The following IL1RAP variants were observed in gnomAD, a reference collection of about 807,000 sequenced individuals.
IL1RAP encodes the protein interleukin 1 receptor accessory protein.
A neutral mutation model predicts 60.7 loss-of-function variants in IL1RAP; 35 were observed. The observed-to-expected ratio is 0.58, with a 90% CI of 0.44 to 0.76. The LOEUF (loss-of-function observed/expected upper bound fraction) is 0.76. Ranked by LOEUF, IL1RAP falls within the 30% of genes least tolerant of loss-of-function variation. The pLI is 0.00. For synonymous variants in IL1RAP, 268 were observed against 250.9 expected, an observed-to-expected ratio of 1.07 and a Z score of -0.64; for missense variants, 572 against 693.9, an observed-to-expected ratio of 0.82 and a Z score of 1.97.
Position 190,649,035 on chromosome 3 carries a change from C to G in IL1RAP, c.*330C>G, listed in dbSNP as rs760982968. Reference sequence around the variant, plus strand: ...CTTTTTAAAATCTTAACATATGGAGCAGCCTTTCCTATGAATTTAAATATG... The same window carrying G: ...CTTTTTAAAATCTTAACATATGGAGGAGCCTTTCCTATGAATTTAAATATG... On this transcript the variant is annotated 3_prime_UTR_variant, in exon 12 of 12. Transcript: ENST00000447382. 2.0e-6 allele frequency: 2 copies of G among 1,017,024 alleles called. No homozygotes were observed. The highest frequency in any genetic ancestry group is 2.3e-6 in the Non-Finnish European group (2 of 851,130). 63.0% of individuals were successfully genotyped at this position (1,017,024 alleles called of 1,614,324 possible). A position where few individuals can be genotyped will look rare whatever the true frequency, so the allele number is the denominator to read the frequency against.
intron 5 of IL1RAP, among the ~76,000 whole-genome samples, chr3:190,617,220 A>G (rs1409104702): frequency 6.6e-6 from 1 of 152,196 alleles, no homozygotes; most frequent in Non-Finnish European, 1.5e-5. Context: ...TAGACCATGA[A>G]TAACTATAAG....
chr3:190,615,103 T>C (rs1731154736), intron 5 of IL1RAP, among the ~76,000 whole-genome samples: 1 of 152,150 alleles, frequency 6.6e-6, no homozygotes, highest in African/African-American at 2.4e-5. Context: ...TGCCATGAAT[T>C]CACAATTCTC....
At chr3:190,539,856 G>A (rs1338364600) in intron 1 of IL1RAP, among the ~76,000 whole-genome samples, 1 of 151,890 alleles carries the variant, frequency 6.6e-6, no homozygotes, top group East Asian at 1.9e-4. Context: ...TCTTGAATAT[G>A]TAATGCCCGT....
At chr3:190,608,548 A>G (rs1730549477) in intron 4 of IL1RAP, among the ~76,000 whole-genome samples, 1 of 152,162 alleles carries the variant, frequency 6.6e-6, no homozygotes, top group African/African-American at 2.4e-5. Flanking sequence ...CTGACGGTGC[A>G]TAGGTTTGTT....
intron 1 of IL1RAP, among the ~76,000 whole-genome samples, chr3:190,551,386 A>G (rs1466069851): frequency 1.3e-5 from 2 of 152,260 alleles, no homozygotes; most frequent in Non-Finnish European, 2.9e-5. Context: ...GTAAGTTAAA[A>G]ATACTCACAG....
intron 9 of IL1RAP, among the ~76,000 whole-genome samples, chr3:190,641,707 G>C (rs371881037): frequency 2.0e-5 from 3 of 152,132 alleles, no homozygotes; most frequent in Admixed American, 2.0e-4. Flanking sequence ...TTTCAGGTAC[G>C]TGCAGCCAGC....
chr3:190,535,806 C>A lies in IL1RAP; in HGVS notation c.-88-20324C>A, dbSNP rs190680119. ...GTTGGATCAATCATGCTACCTTTGT[C>A]CTTTTGTTTTTCTGTCTATTAAGTG... On this transcript the variant is annotated intron_variant, in intron 1 of 11. Transcript: ENST00000447382. Among the ~76,000 whole-genome samples the A allele has an allele frequency of 2.2e-4, 34 of 152,232 alleles. No homozygotes were observed. The East Asian group carries it at 3.1e-3, about 14-fold the overall frequency.
intron 1 of IL1RAP, among the ~76,000 whole-genome samples, chr3:190,543,365 G>A (rs953923254): frequency 4.6e-5 from 7 of 152,108 alleles, no homozygotes; most frequent in African/African-American, 1.7e-4. Context: ...AATCCAGAGC[G>A]TTTTCTATAT....
Position 190,553,787 on chromosome 3 carries a change from G to A in IL1RAP, c.-88-2343G>A, listed in dbSNP as rs563061431. On this transcript the variant is annotated intron_variant, in intron 1 of 11. Coordinates refer to ENST00000447382, the MANE Select transcript of IL1RAP (RefSeq NM_002182.4). ...TAGAAATGAGAGGGAAAGGCCGGGCGCGGTGGCTCACGCCTGTAATCCCAG... is the reference window on the plus strand; with the variant it reads ...TAGAAATGAGAGGGAAAGGCCGGGCACGGTGGCTCACGCCTGTAATCCCAG... 3.3e-5 allele frequency among the ~76,000 whole-genome samples: 5 copies of A among 152,234 alleles called. No individual in the cohort carries two copies. The East Asian group carries it at 9.7e-4, about 29-fold the overall frequency.
intron 1 of IL1RAP, among the ~76,000 whole-genome samples, chr3:190,531,783 G>C (rs1468793630): frequency 6.6e-6 from 1 of 152,174 alleles, no homozygotes; most frequent in Non-Finnish European, 1.5e-5. Context: ...GAGATCCCTA[G>C]GGCACATGAA....
At chr3:190,526,558 G>A (rs989435507) in intron 1 of IL1RAP, among the ~76,000 whole-genome samples, 2 of 152,106 alleles carry the variant, frequency 1.3e-5, no homozygotes, top group Non-Finnish European at 2.9e-5. Context: ...GTAGCAGAAG[G>A]TACTCACTAC....
chr3:190,653,141 T>C (rs752600781), downstream of IL1RAP, among the ~76,000 whole-genome samples: 16 of 152,372 alleles, frequency 1.1e-4, no homozygotes, highest in Non-Finnish European at 1.9e-4. Flanking sequence ...TTTTACACAC[T>C]ATTACTCTTA....
At chr3:190,606,909 G>A (rs532009919) in intron 4 of IL1RAP, among the ~76,000 whole-genome samples, 89 of 152,228 alleles carry the variant, frequency 5.8e-4, no homozygotes, top group Non-Finnish European at 9.7e-4. Flanking sequence ...AACTTTGGGA[G>A]CTAAAAAAAA....
intron 8 of IL1RAP, 28 bp downstream of exon 8, chr3:190,627,477 T>C (rs1430014106): frequency 6.3e-7 from 1 of 1,597,880 alleles, no homozygotes; most frequent in Non-Finnish European, 8.5e-7. Flanking sequence ...AAGGGAGTGA[T>C]TAACCTTTGT....
intron 3 of IL1RAP, among the ~76,000 whole-genome samples, chr3:190,577,888 A>G (rs1035345): frequency 0.33 from 50,321 of 151,994 alleles, 8,667 homozygotes; most frequent in East Asian, 0.51. Context: ...AAGTGGAATT[A>G]TGTTTGGGTT....
intron 2 of IL1RAP, chr3:190,563,568 C>G (rs1726099001): frequency 6.6e-6 from 1 of 152,188 alleles, no homozygotes; most frequent in Non-Finnish European, 1.5e-5. Context: ...GCTGTTTCAG[C>G]TGGTTATTAA....
chr3:190,613,837 A>C (rs1390491689), intron 5 of IL1RAP, among the ~76,000 whole-genome samples: 1 of 152,028 alleles, frequency 6.6e-6, no homozygotes, highest in Admixed American at 6.6e-5. Flanking sequence ...CATTTCAAAA[A>C]AAAAAAGACA....
intron 3 of IL1RAP, among the ~76,000 whole-genome samples, chr3:190,573,520 CT>C (rs1292597985): frequency 6.6e-6 from 1 of 152,128 alleles, no homozygotes; most frequent in Non-Finnish European, 1.5e-5. Flanking sequence ...CTCCCTCCCG[CT>C]GCATGCAGTA....
At chr3:190,522,731 A>C (rs1722195508) in intron 1 of IL1RAP, among the ~76,000 whole-genome samples, 1 of 152,146 alleles carries the variant, frequency 6.6e-6, no homozygotes, top group Non-Finnish European at 1.5e-5. Context: ...TTACCTTAAA[A>C]TATCTCAGAA....
Sources: allele counts gnomAD v4.1 joint callset (sites outside exome capture counted in the v4.1 genomes callset), GRCh38; gene constraint gnomAD v4.1.1; transcripts MANE v1.5; gene names NCBI Gene and HGNC (gene_info 2026-07-23, HGNC 2026-07-21).